TBX1: variants seen among roughly 807,000 people sequenced by gnomAD.
TBX1 encodes the protein T-box transcription factor TBX1.
In TBX1, 16 loss-of-function variants were observed where a neutral mutation model predicts 40.8. The observed-to-expected ratio is 0.39, with a 90% CI of 0.27 to 0.60. The LOEUF (loss-of-function observed/expected upper bound fraction) is 0.60, where lower values mean the gene tolerates loss of function less well. Among genes scored for constraint, TBX1 ranks in the 20% least tolerant of loss-of-function variants. The pLI, the probability that TBX1 is intolerant of heterozygous loss-of-function variation, is 0.51. For missense variants in TBX1, 755 were observed against 728.5 expected, an observed-to-expected ratio of 1.04 and a Z score of -0.42; for synonymous variants, 403 against 336.8, an observed-to-expected ratio of 1.20 and a Z score of -2.15.
chr22:19,768,953 CTTTTTTTTTT>C (rs36085623), downstream of TBX1, among the ~76,000 whole-genome samples: 5 of 66,108 alleles, frequency 7.6e-5, no homozygotes, highest in East Asian at 5.5e-4. Context: ...TGTTCGCATT[CTTTTTTTTTT>C]TTTTTTTTTT....
At chr22:19,776,572 G>GGGTC (rs1937068559) in intron 8 of TBX1, among the ~76,000 whole-genome samples, 1 of 152,124 alleles carries the variant, frequency 6.6e-6, no homozygotes, top group Non-Finnish European at 1.5e-5. Flanking sequence ...CTTAGGAGCT[G>GGGTC]GGTCTCCCAC....
Position 19,766,792 on chromosome 22 carries a change from A to G in TBX1, c.1440A>G (p.Ala480=), listed in dbSNP as rs777313046. 6.0e-6 allele frequency: 9 copies of G among 1,495,676 alleles called. No homozygotes were observed. The South Asian group carries it at 1.0e-4, about 17-fold the overall frequency. The allele number at this position is 1,495,676 out of a possible 1,614,324, so 92.7% of individuals were successfully genotyped here. A position where few individuals can be genotyped will look rare whatever the true frequency, so the allele number is the denominator to read the frequency against. Residue 480 remains alanine, a synonymous_variant, in exon 7 of 7, where the codon GCA becomes GCG. Coordinates refer to ENST00000649276, the MANE Select transcript of TBX1 (RefSeq NM_001379200.1). ...CCGCGGCCGCCGCCGCCGCTGCCGC[A>G]GCTGCCGCGGCCGCCAACATGTACT... The part of the protein sequence containing the change: ...PAAAAAAAAA[A]AAAAANMYSS...
chr22:19,766,537 C>G lies in TBX1; in HGVS notation c.1185C>G (p.Pro395=). 7.4e-7 allele frequency: 1 copy of G among 1,346,562 alleles called. No individual in the cohort carries two copies. Among genetic ancestry groups the G allele is most frequent in the Non-Finnish European group, 9.5e-7 (1 of 1,053,708 alleles). The allele number at this position is 1,346,562 out of a possible 1,614,324, so 83.4% of individuals were successfully genotyped here. A position where few individuals can be genotyped will look rare whatever the true frequency, so the allele number is the denominator to read the frequency against. ...AGGAGGLVPL[P]GAPGGRPSPP... ...GCGCCGGCGGCTTAGTCCCGCTGCC[C>G]GGCGCGCCCGGAGGCCGGCCCAGTC... The change falls in exon 7 of 7, where the codon CCC becomes CCG. Residue 395 remains proline, a synonymous_variant. Transcript: ENST00000649276.
Position 19,766,944 on chromosome 22 carries a change from G to A in TBX1, c.*77G>A. 5 of 1,544,602 alleles carry A rather than the reference G, an allele frequency of 3.2e-6. No homozygotes were observed. The highest frequency in any genetic ancestry group is 4.3e-6 in the Non-Finnish European group (5 of 1,155,168). On this transcript the variant is annotated 3_prime_UTR_variant, in exon 7 of 7. Transcript: ENST00000649276. ...CGGGCCCGGCCACCCTGCCCCAAGGGCAAGCAAGGAATACGTTCCCCCAGC... is the reference window on the plus strand; with the variant it reads ...CGGGCCCGGCCACCCTGCCCCAAGGACAAGCAAGGAATACGTTCCCCCAGC...
chr22:19,781,997 A>G (rs1937147286), downstream of TBX1, among the ~76,000 whole-genome samples: 1 of 112,884 alleles, frequency 8.9e-6, no homozygotes, highest in Non-Finnish European at 1.9e-5. Context: ...TAGGCTGTCT[A>G]TTCTATTACA....
chr22:19,756,980 AT>A (rs1408019773), upstream of TBX1, among the ~76,000 whole-genome samples: 1 of 152,002 alleles, frequency 6.6e-6, no homozygotes, highest in African/African-American at 2.4e-5. Context: ...GAGGAGCCCT[AT>A]CCTGCTGCGC....
chr22:19,775,906 T>A (rs1408504763), intron 8 of TBX1, among the ~76,000 whole-genome samples: 1 of 152,068 alleles, frequency 6.6e-6, no homozygotes, highest in African/African-American at 2.4e-5. Context: ...GCTTCGAGGG[T>A]GGCTGCCAGG....
intron 1 of TBX1, among the ~76,000 whole-genome samples, chr22:19,761,567 C>G (rs1462109605): frequency 6.6e-6 from 1 of 151,790 alleles, no homozygotes; most frequent in Admixed American, 6.6e-5. Flanking sequence ...CCGCCCGCCC[C>G]GCAGCCCCAG....
At chr22:19,779,689 A>C, downstream of TBX1, 1 of 680,164 alleles carries the variant, frequency 1.5e-6, no homozygotes, top group Non-Finnish European at 2.2e-6. Flanking sequence ...CAAGCTTAAC[A>C]TATCTGATCC....
At chr22:19,764,355 G>T in intron 3 of TBX1, 29 bp downstream of exon 3, 1 of 1,604,684 alleles carries the variant, frequency 6.2e-7, no homozygotes. Context: ...AGGCTCCGGT[G>T]TCCCCCAAGG....
downstream of TBX1, among the ~76,000 whole-genome samples, chr22:19,779,772 G>A (rs1337060452): frequency 1.3e-5 from 2 of 152,248 alleles, no homozygotes; most frequent in Non-Finnish European, 2.9e-5. Context: ...GGTTCTGAAA[G>A]CAGTAGCTGT....
chr22:19,761,065 G>A lies in TBX1; in HGVS notation c.222G>A (p.Pro74=). The A allele has an allele frequency of 2.2e-6, 2 of 921,846 alleles. No individual in the cohort carries two copies. Among genetic ancestry groups the A allele is most frequent in the African/African-American group, 1.8e-5 (1 of 55,114 alleles). 57.1% of individuals were successfully genotyped at this position (921,846 alleles called of 1,614,324 possible). The part of the protein sequence containing the change: ...AAAPGAPGPP[P]PPHAYPFAPA... ...CCCCCGGCGCCCCGGGCCCGCCGCC[G>A]CCGCCGCACGCCTACCCGTTTGCGC... Residue 74 remains proline, a synonymous_variant, in exon 1 of 7, where the codon CCG becomes CCA. Transcript: ENST00000649276.
chr22:19,760,705 C>CG (rs1425776518), upstream of TBX1, among the ~76,000 whole-genome samples: 9 of 12,556 alleles, frequency 7.2e-4, no homozygotes, highest in Admixed American at 2.1e-3. Context: ...CGGGGCGGGG[C>CG]GGGGCGCCTC....
intron 4 of TBX1, among the ~76,000 whole-genome samples, chr22:19,765,346 C>T (rs956882321): frequency 1.3e-5 from 2 of 152,296 alleles, no homozygotes; most frequent in Non-Finnish European, 2.9e-5. Flanking sequence ...ACTGTCACTT[C>T]GTCCTGAAAG....
In TBX1 at chr22:19,764,183, G is replaced by A. The variant is rs1450823890; in HGVS notation, c.568G>A (p.Val190Met). 1 of 1,612,792 alleles carries A rather than the reference G, an allele frequency of 6.2e-7. No homozygotes were observed. The highest frequency in any genetic ancestry group is 1.1e-5 in the South Asian group (1 of 91,066). The change falls in exon 3 of 7, where the codon GTG becomes ATG. Residue 190 changes from valine (V) to methionine (M), a missense_variant. Coordinates refer to ENST00000649276, the MANE Select transcript of TBX1 (RefSeq NM_001379200.1). ...CGCCTTCCACAGCTCCTCCTGGCTG[G>A]TGGCGGGGAAGGCCGACCCTGCCAC... ...RYAFHSSSWL[V>M]AGKADPATPG...
At chr22:19,759,531 C>A (rs886109551), upstream of TBX1, 56 of 1,545,988 alleles carry the variant, frequency 3.6e-5, no homozygotes, top group Non-Finnish European at 4.6e-5. Flanking sequence ...CGAGCCAGTG[C>A]GTTCAGCATC....
Position 19,767,066 on chromosome 22 carries a change from C to G in TBX1, c.*199C>G. On this transcript the variant is annotated 3_prime_UTR_variant, in exon 7 of 7. Transcript: ENST00000649276. ...CTTGGGCTATCGAAGTATCCGGTTC[C>G]CCAGTCCCTGGAGCCACCGCGGGTC... The G allele has an allele frequency of 1.6e-6, 2 of 1,286,958 alleles. No homozygotes were observed. Among genetic ancestry groups the G allele is most frequent in the Non-Finnish European group, 2.0e-6 (2 of 1,020,258 alleles). The allele number at this position is 1,286,958 out of a possible 1,614,324, so 79.7% of individuals were successfully genotyped here.
upstream of TBX1, among the ~76,000 whole-genome samples, chr22:19,757,730 C>G (rs771635588): frequency 2.7e-4 from 41 of 152,222 alleles, no homozygotes; most frequent in Non-Finnish European, 8.8e-5. Context: ...ATGGCTGGTC[C>G]TGCTCAGAGA....
At chr22:19,765,399 G>C (rs1936798192) in intron 4 of TBX1, among the ~76,000 whole-genome samples, 1 of 152,162 alleles carries the variant, frequency 6.6e-6, no homozygotes, top group South Asian at 2.1e-4. Flanking sequence ...TCAGGGGCCT[G>C]ATCTGAGGTT....
Sources: allele counts gnomAD v4.1 joint callset (sites outside exome capture counted in the v4.1 genomes callset), GRCh38; gene constraint gnomAD v4.1.1; transcripts MANE v1.5; gene names NCBI Gene and HGNC (gene_info 2026-07-23, HGNC 2026-07-21).